Variants in CNOT9 observed in about 807,000 individuals in gnomAD.
CNOT9 encodes the protein RCD1 required for cell differentiation1 homolog.
CNOT9 carries 8 observed loss-of-function variants against 37.4 expected under a neutral mutation model. The ratio of observed to expected loss-of-function variants is 0.21; its 90% confidence interval spans 0.13 to 0.39. CNOT9 has a LOEUF of 0.39. Ranked by LOEUF, CNOT9 falls within the 10% of genes least tolerant of loss-of-function variation. CNOT9 has a pLI of 1.00. For missense variants in CNOT9, 154 were observed against 365.3 expected (o/e 0.42, Z 4.71); for synonymous variants, 120 against 137.6 (o/e 0.87, Z 0.90).
chr2:218,575,123 A>G (rs188462749), intron 1 of CNOT9, among the ~76,000 whole-genome samples: 197 of 152,292 alleles, frequency 1.3e-3, no homozygotes, highest in Middle Eastern at 3.4e-3. Context: ...AGGTCACACA[A>G]TTCTAGAAAG....
In CNOT9 at chr2:218,587,575, A is replaced by G. The variant is rs559667947; in HGVS notation, c.431-11A>G. On this transcript the variant is annotated splice_polypyrimidine_tract_variant and intron_variant, in intron 4 of 7. Coordinates refer to ENST00000273064, the MANE Select transcript of CNOT9 (RefSeq NM_005444.3). Reference sequence around the variant, plus strand: ...CTGTAAAATAATTTTGTTTGTCCTTATTTTCTTTAGGGGCCCTGGTGAAAA... The same window carrying G: ...CTGTAAAATAATTTTGTTTGTCCTTGTTTTCTTTAGGGGCCCTGGTGAAAA... 1.9e-5 allele frequency: 30 copies of G among 1,570,740 alleles called. No homozygotes were observed. In the African/African-American group the frequency reaches 3.0e-4, roughly 16 times the overall value.
chr2:218,586,488 C>CTTTT (rs779670750), intron 4 of CNOT9, among the ~76,000 whole-genome samples: 2 of 137,740 alleles, frequency 1.5e-5, no homozygotes, highest in Non-Finnish European at 3.2e-5. Context: ...CTGATCTCAG[C>CTTTT]TTTTTTTTTT....
chr2:218,583,193 TTGTGTGTGTGTGTGTGTGTGTG>T (rs745627681), intron 3 of CNOT9, 107 bp downstream of exon 3: 2 of 401,294 alleles, frequency 5.0e-6, no homozygotes, highest in Admixed American at 8.8e-5. Context: ...GAGAGAACGT[TTGTGTGTGTGTGTGTGTGTGTG>T]TGTGTGTGTG....
chr2:218,582,057 G>T (rs1361587024), intron 2 of CNOT9, among the ~76,000 whole-genome samples: 1 of 151,520 alleles, frequency 6.6e-6, no homozygotes, highest in African/African-American at 2.4e-5. Flanking sequence ...ACTCTGCCTG[G>T]ATGACAGAGT....
At chr2:218,579,358 ATTG>A (rs1409825237) in intron 1 of CNOT9, among the ~76,000 whole-genome samples, 3 of 152,126 alleles carry the variant, frequency 2.0e-5, no homozygotes, top group South Asian at 4.1e-4. Context: ...TAACCCTTTT[ATTG>A]TTTTTACTTA....
intron 4 of CNOT9, among the ~76,000 whole-genome samples, chr2:218,586,687 C>T (rs75631654): frequency 0.017 from 2,553 of 152,142 alleles, 34 homozygotes; most frequent in Admixed American, 0.036. Context: ...CAGGGTTTCA[C>T]GATGTTGGCC....
At chr2:218,570,488 CTTTTATATCTCAATTAG>C (rs1362272691) in intron 1 of CNOT9, among the ~76,000 whole-genome samples, 2 of 152,138 alleles carry the variant, frequency 1.3e-5, no homozygotes, top group Non-Finnish European at 2.9e-5. Flanking sequence ...TAGAGAGTAT[CTTTTATATCTCAATTAG>C]GTCATTGCAA....
At chr2:218,569,028 A>C (rs1364481876) in intron 1 of CNOT9, 50 bp downstream of exon 1, 2 of 1,602,986 alleles carry the variant, frequency 1.2e-6, no homozygotes, top group Non-Finnish European at 1.7e-6. Flanking sequence ...TCTCAGACCC[A>C]CGTTTCGGCC....
chr2:218,587,843 A>T (rs1030559838), intron 5 of CNOT9, 148 bp downstream of exon 5: 1 of 433,704 alleles, frequency 2.3e-6, no homozygotes, highest in Non-Finnish European at 3.9e-6. Context: ...AATTATTGAA[A>T]AACCCAAACC....
rs1694829279 is a variant in CNOT9 at position 218,592,970 on chromosome 2, C to T, written c.731+263C>T. On this transcript the variant is annotated intron_variant, in intron 7 of 7. Coordinates refer to ENST00000273064, the MANE Select transcript of CNOT9 (RefSeq NM_005444.3). This position sits in a 1 kb window ranked among gnomAD's most constrained non-coding sequence, Gnocchi z 4.1. Reference sequence around the variant, plus strand: ...CGATTCCAAAGGAAACCTTATGATGCATTACTCCTGTTGTTTGAATTTTCT... The same window carrying T: ...CGATTCCAAAGGAAACCTTATGATGTATTACTCCTGTTGTTTGAATTTTCT... 1 of 458,098 alleles carries T rather than the reference C, an allele frequency of 2.2e-6. No individual in the cohort carries two copies. Among genetic ancestry groups the T allele is most frequent in the African/African-American group, 2.0e-5 (1 of 49,874 alleles). The allele number at this position is 458,098 out of a possible 1,614,324, so 28.4% of individuals were successfully genotyped here.
intron 1 of CNOT9, among the ~76,000 whole-genome samples, chr2:218,569,659 T>A (rs929755904): frequency 1.3e-5 from 2 of 152,180 alleles, no homozygotes; most frequent in Non-Finnish European, 2.9e-5. Flanking sequence ...AATCTCGTTT[T>A]ATGTCTCTTG....
chr2:218,591,348 C>T (rs1218424482), intron 5 of CNOT9, among the ~76,000 whole-genome samples: 1 of 151,996 alleles, frequency 6.6e-6, no homozygotes, highest in Non-Finnish European at 1.5e-5. Flanking sequence ...AAATTGAGGC[C>T]ACATATAAGC....
chr2:218,581,809 C>T (rs1387494692), intron 2 of CNOT9, among the ~76,000 whole-genome samples: 6 of 152,064 alleles, frequency 3.9e-5, no homozygotes, highest in African/African-American at 9.7e-5. Flanking sequence ...TAGCCAGGTG[C>T]AGTGGGTCAT....
rs1334436258 is a variant in CNOT9 at position 218,582,518 on chromosome 2, A to ATGGTG, written c.205-452_205-451insGGTGT. Reference sequence around the variant, plus strand: ...ATCCTGGCTAACACGGTGAAACCCCATCTCTACTAAAAATACAAAAAATTA... The same window carrying ATGGTG: ...ATCCTGGCTAACACGGTGAAACCCCATGGTGTCTCTACTAAAAATACAAAAAATTA... On this transcript the variant is annotated intron_variant, in intron 2 of 7. Coordinates refer to ENST00000273064, the MANE Select transcript of CNOT9 (RefSeq NM_005444.3). 4.6e-5 allele frequency among the ~76,000 whole-genome samples: 7 copies of ATGGTG among 152,108 alleles called. No individual in the cohort carries two copies. The East Asian group carries it at 1.3e-3, about 29-fold the overall frequency.
At position 218,583,227 on chromosome 2, in the gene CNOT9, GTGTGTGTCTCTCTCTCTCTCTC is replaced by G. The variant is rs1454572142; in HGVS notation, c.320+143_320+164del. On this transcript the variant is annotated intron_variant, in intron 3 of 7. Coordinates refer to ENST00000273064, the MANE Select transcript of CNOT9 (RefSeq NM_005444.3). ...TGTGTGTGTGTGTGTGTGTGTGTGT[GTGTGTGTCTCTCTCTCTCTCTC>G]TCTCTCTCTCTCTCTCTCTCTCTCT... 1,103 of 209,816 alleles carry G rather than the reference GTGTGTGTCTCTCTCTCTCTCTC, an allele frequency of 5.3e-3. 9 individuals carry two copies. Among genetic ancestry groups the G allele is most frequent in the African/African-American group, 0.039 (961 of 24,458 alleles). The allele number at this position is 209,816 out of a possible 1,614,324, so 13.0% of individuals were successfully genotyped here.
rs1694809693 is a variant in CNOT9 at position 218,592,429 on chromosome 2, C to T, written c.639+27C>T. ...TGAGTTCTTTCATCTATCCCCTTTA[C>T]AACTACTTCTCATCACAAAGCTTAA... On this transcript the variant is annotated intron_variant, in intron 6 of 7. Transcript: ENST00000273064. The surrounding 1 kb of genome is among the most constrained non-coding windows in gnomAD (Gnocchi z 4.1). 1.3e-6 allele frequency: 2 copies of T among 1,566,776 alleles called. No individual in the cohort carries two copies. The highest frequency in any genetic ancestry group is 1.1e-5 in the South Asian group (1 of 90,080).
At chr2:218,583,109 T>A in intron 3 of CNOT9, 23 bp downstream of exon 3, 1 of 1,445,606 alleles carries the variant, frequency 6.9e-7, no homozygotes, top group Non-Finnish European at 9.7e-7. Flanking sequence ...GGTGAGTCAC[T>A]TGGGGGAGAT....
chr2:218,569,683 A>G (rs1693897846), intron 1 of CNOT9, among the ~76,000 whole-genome samples: 1 of 152,150 alleles, frequency 6.6e-6, no homozygotes, highest in Non-Finnish European at 1.5e-5. Flanking sequence ...CTAAAGCTTC[A>G]GCTACTCTGG....
intron 1 of CNOT9, among the ~76,000 whole-genome samples, chr2:218,572,245 C>G (rs944745405): frequency 6.6e-6 from 1 of 152,096 alleles, no homozygotes; most frequent in Non-Finnish European, 1.5e-5. Context: ...CACTTGAACC[C>G]AGGATGTGGA....
Sources: allele counts gnomAD v4.1 joint callset (sites outside exome capture counted in the v4.1 genomes callset), GRCh38; gene constraint gnomAD v4.1.1; non-coding constraint Gnocchi (gnomAD v3.1); transcripts MANE v1.5; gene names NCBI Gene and HGNC (gene_info 2026-07-23, HGNC 2026-07-21).